Variants in MICAL2 observed in about 807,000 individuals in gnomAD.
The protein encoded by MICAL2 is [F-actin]-monooxygenase MICAL2.
Under a neutral mutation model 127.3 loss-of-function variants are expected in MICAL2, and 77 were observed. The observed-to-expected ratio is 0.60, with a 90% CI of 0.50 to 0.73. The LOEUF (loss-of-function observed/expected upper bound fraction) is 0.73. Among genes scored for constraint, MICAL2 ranks in the 30% least tolerant of loss-of-function variants. The pLI, the probability that MICAL2 is intolerant of heterozygous loss-of-function variation, is 0.00. For missense variants in MICAL2, 1,351 were observed against 1,434.4 expected, an observed-to-expected ratio of 0.94 and a Z score of 0.94; for synonymous variants, 570 against 551.1, an observed-to-expected ratio of 1.03 and a Z score of -0.48.
chr11:12,260,307 A>C, intron 26 of MICAL2: 1 of 1,424,056 alleles, frequency 7.0e-7, no homozygotes, highest in Non-Finnish European at 9.1e-7. Context: ...AGAATTTCAC[A>C]TGGGCCACCT....
chr11:12,130,375 G>GGGCT (rs1298089947), intron 1 of MICAL2, among the ~76,000 whole-genome samples: 1 of 152,188 alleles, frequency 6.6e-6, no homozygotes, highest in East Asian at 1.9e-4. Flanking sequence ...GGCCTGCAGG[G>GGGCT]GGCTGAATCA....
chr11:12,194,083 C>T (rs574565192), intron 3 of MICAL2, among the ~76,000 whole-genome samples: 19 of 152,334 alleles, frequency 1.2e-4, no homozygotes, highest in African/African-American at 4.3e-4. Context: ...CAAGTGGCCC[C>T]CGGCCATGGC....
intron 31 of MICAL2, among the ~76,000 whole-genome samples, chr11:12,326,687 G>A (rs943030219): frequency 2.6e-5 from 4 of 152,202 alleles, no homozygotes; most frequent in African/African-American, 7.2e-5. Flanking sequence ...CGAAACCCCG[G>A]GATCTGGCCC....
intron 1 of MICAL2, among the ~76,000 whole-genome samples, chr11:12,131,089 C>T (rs1308333412): frequency 2.9e-5 from 1 of 34,012 alleles, no homozygotes; most frequent in Non-Finnish European, 1.0e-4. Flanking sequence ...GTCAGGAGAT[C>T]GAGACCATTC....
chr11:12,130,519 C>T (rs1851327122), intron 1 of MICAL2, among the ~76,000 whole-genome samples: 1 of 152,186 alleles, frequency 6.6e-6, no homozygotes, highest in Middle Eastern at 3.2e-3. Context: ...TGTTAAACTC[C>T]TTGGAGTTGT....
rs182298464 is a variant in MICAL2, at chr11:12,260,441, A to T, written c.3334+544A>T. 24 of 1,196,996 alleles carry T rather than the reference A, an allele frequency of 2.0e-5. No homozygotes were observed. In the South Asian group the frequency reaches 7.2e-4, roughly 36 times the overall value. 74.1% of individuals were successfully genotyped at this position (1,196,996 alleles called of 1,614,324 possible). A position where few individuals can be genotyped will look rare whatever the true frequency, so the allele number is the denominator to read the frequency against. ...TTACATTTCAATTTTTTTAATTTTA[A>T]TTAGCCCAGAGAAAGCATTTTTTTC... On this transcript the variant is annotated intron_variant, in intron 26 of 27. Transcript: ENST00000683283.
intron 1 of MICAL2, among the ~76,000 whole-genome samples, chr11:12,131,579 C>T (rs1851423725): frequency 6.6e-6 from 1 of 152,214 alleles, no homozygotes; most frequent in African/African-American, 2.4e-5. Flanking sequence ...CCAGTTTCCC[C>T]TCCTTTCTCC....
intron 5 of MICAL2, among the ~76,000 whole-genome samples, chr11:12,208,626 T>C (rs1217463014): frequency 6.6e-6 from 1 of 152,268 alleles, no homozygotes; most frequent in Non-Finnish European, 1.5e-5. Context: ...AGGTATCATT[T>C]ATAAACTATG....
intron 1 of MICAL2, among the ~76,000 whole-genome samples, chr11:12,279,770 A>T (rs1395249804): frequency 1.3e-5 from 2 of 152,166 alleles, no homozygotes; most frequent in Non-Finnish European, 2.9e-5. Flanking sequence ...GTATCCATAA[A>T]TTCATGTCCT....
intron 33 of MICAL2, among the ~76,000 whole-genome samples, chr11:12,354,556 T>C (rs886273413): frequency 1.3e-5 from 2 of 151,894 alleles, no homozygotes; most frequent in African/African-American, 4.8e-5. Context: ...AAGAATCACT[T>C]GGACCTGGGG....
chr11:12,152,547 G>C (rs1049234196), intron 2 of MICAL2, among the ~76,000 whole-genome samples: 4 of 152,050 alleles, frequency 2.6e-5, no homozygotes, highest in Non-Finnish European at 5.9e-5. Context: ...TAAGACCAGG[G>C]AACTGGTGCC....
At chr11:12,250,251 G>A (rs1440218314) in intron 22 of MICAL2, 5 of 152,240 alleles carry the variant, frequency 3.3e-5, no homozygotes, top group Non-Finnish European at 5.9e-5. Context: ...ACAAACGGCC[G>A]TGCTTTGTTT....
At chr11:12,139,324 A>G (rs1026700159) in intron 2 of MICAL2, among the ~76,000 whole-genome samples, 1 of 152,306 alleles carries the variant, frequency 6.6e-6, no homozygotes, top group Admixed American at 6.5e-5. Flanking sequence ...GTCAGAGGGA[A>G]CATAGGGATG....
intron 3 of MICAL2, 118 bp from the exon 4 acceptor site, chr11:12,204,132 C>A (rs1854372096): frequency 2.2e-6 from 2 of 910,582 alleles, no homozygotes; most frequent in Non-Finnish European, 3.4e-6. Context: ...ACACAGCTTG[C>A]ACTTGCTGGT....
chr11:12,166,954 G>A (rs1274415149), intron 3 of MICAL2, among the ~76,000 whole-genome samples: 2 of 152,260 alleles, frequency 1.3e-5, no homozygotes, highest in African/African-American at 4.8e-5. Flanking sequence ...GAGTGTGTGG[G>A]GTGCGGGGAA....
intron 29 of MICAL2, among the ~76,000 whole-genome samples, chr11:12,318,099 G>A (rs905611078): frequency 3.3e-5 from 5 of 152,164 alleles, no homozygotes; most frequent in Admixed American, 2.0e-4. Flanking sequence ...TGCTCTTGCT[G>A]CTACCAACAA....
At chr11:12,317,699 G>T (rs10219388) in intron 29 of MICAL2, among the ~76,000 whole-genome samples, 21,836 of 151,994 alleles carry the variant, frequency 0.14, 1,827 homozygotes, top group South Asian at 0.27. Context: ...GGCTGAGGCA[G>T]GAGAATCACT....
chr11:12,257,366 A>T (rs1862468865), intron 24 of MICAL2: 1 of 177,920 alleles, frequency 5.6e-6, no homozygotes, highest in Admixed American at 6.2e-5. Context: ...TGCAATGTTA[A>T]TATTACTTAC....
chr11:12,243,253 C>G (rs1860227202), intron 20 of MICAL2: 1 of 152,990 alleles, frequency 6.5e-6, no homozygotes, highest in Non-Finnish European at 1.5e-5. Flanking sequence ...TCTGCTTCCC[C>G]ATGGGATAAA....
Sources: allele counts gnomAD v4.1 joint callset (sites outside exome capture counted in the v4.1 genomes callset), GRCh38; gene constraint gnomAD v4.1.1; transcripts MANE v1.5; gene names NCBI Gene and HGNC (gene_info 2026-07-23, HGNC 2026-07-21).